The following ATP8B4 variants were observed in gnomAD, a reference collection of about 807,000 sequenced individuals.
The protein encoded by ATP8B4 is probable phospholipid-transporting ATPase IM.
In ATP8B4, 133 loss-of-function variants were observed where a neutral mutation model predicts 145.6. The ratio of observed to expected loss-of-function variants is 0.91; its 90% CI spans 0.79 to 1.05. The LOEUF (loss-of-function observed/expected upper bound fraction) is 1.05. Among genes scored for constraint, ATP8B4 ranks in the 50% least tolerant of loss-of-function variants. The pLI is 0.00. For synonymous variants in ATP8B4, 507 were observed against 492.9 expected (o/e 1.03, Z -0.38); for missense variants, 1,458 against 1,425.2 (o/e 1.02, Z -0.37).
intron 25 of ATP8B4, among the ~76,000 whole-genome samples, chr15:49,873,105 T>C (rs1269088507): frequency 1.3e-5 from 2 of 152,334 alleles, no homozygotes; most frequent in East Asian, 3.9e-4. Context: ...CAAAAGGTTA[T>C]CCATTTTTTA....
chr15:50,172,296 C>G (rs1017821695), intron 1 of ATP8B4, among the ~76,000 whole-genome samples: 1 of 152,262 alleles, frequency 6.6e-6, no homozygotes, highest in African/African-American at 2.4e-5. Flanking sequence ...GCGTGCGCCG[C>G]CACGCCTGAC....
At chr15:49,985,973 A>C (rs2046568594) in intron 10 of ATP8B4, among the ~76,000 whole-genome samples, 1 of 152,234 alleles carries the variant, frequency 6.6e-6, no homozygotes, top group South Asian at 2.1e-4. Flanking sequence ...AATAAAAAAT[A>C]ATAATAAATC....
rs145649509 is a variant in ATP8B4 at position 50,081,276 on chromosome 15, T to C, written c.29-7091A>G. Among the ~76,000 whole-genome samples the C allele has an allele frequency of 3.6e-3, 553 of 152,266 alleles. 3 individuals carry two copies. The highest frequency in any genetic ancestry group is 0.012 in the African/African-American group (516 of 41,548). On this transcript the variant is annotated intron_variant, in intron 2 of 27. Coordinates refer to ENST00000284509, the MANE Select transcript of ATP8B4 (RefSeq NM_024837.4). Reference sequence around the variant, plus strand: ...AAAATAATGCCACTGTGTGTTATAATCATTTAATGAGGAAATATATGGAAA... The same window carrying C: ...AAAATAATGCCACTGTGTGTTATAACCATTTAATGAGGAAATATATGGAAA...
intron 5 of ATP8B4, among the ~76,000 whole-genome samples, chr15:50,042,814 G>C (rs565013710): frequency 6.6e-6 from 1 of 152,228 alleles, no homozygotes; most frequent in Admixed American, 6.5e-5. Context: ...AAGTATGTCT[G>C]TTAAGCCAAT....
chr15:49,923,502 G>GAA lies in ATP8B4; in HGVS notation c.1643-10_1643-9dup, dbSNP rs756532311. 14 of 1,573,490 alleles carry GAA rather than the reference G, an allele frequency of 8.9e-6. No homozygotes were observed. The highest frequency in any genetic ancestry group is 1.2e-5 in the Non-Finnish European group (14 of 1,157,888). The stretch of plus-strand genomic sequence containing the variant: ...GTCCTTCTGGGTTTCGAACTGAAAA[G>GAA]AAAAAAGTTTGGAAAAGCAGAATAT... On this transcript the variant is annotated splice_polypyrimidine_tract_variant and intron_variant, in intron 16 of 27. Coordinates refer to ENST00000284509, the MANE Select transcript of ATP8B4 (RefSeq NM_024837.4).
chr15:49,952,067 T>C lies in ATP8B4; in HGVS notation c.1287+9910A>G, dbSNP rs192488951. The stretch of plus-strand genomic sequence containing the variant: ...GAGTTTCTGCTGAGAGATCTGCTGA[T>C]AGTCTGATGGGCTTCCCTCTGTGGG... On this transcript the variant is annotated intron_variant, in intron 14 of 27. Transcript: ENST00000284509. Among the ~76,000 whole-genome samples, 282 of 152,316 alleles carry C rather than the reference T, an allele frequency of 1.9e-3. 3 individuals carry two copies. The highest frequency in any genetic ancestry group is 0.013 in the South Asian group (65 of 4,832).
At chr15:50,025,566 T>G (rs1432814963) in intron 6 of ATP8B4, among the ~76,000 whole-genome samples, 1 of 152,220 alleles carries the variant, frequency 6.6e-6, no homozygotes, top group Non-Finnish European at 1.5e-5. Context: ...CATTATGTTT[T>G]CAGCTCAAAT....
intron 21 of ATP8B4, 73 bp downstream of exon 21, chr15:49,901,019 C>T (rs1055177550): frequency 9.1e-6 from 14 of 1,535,900 alleles, no homozygotes; most frequent in African/African-American, 1.4e-5. Context: ...AAGGAGGTCT[C>T]ATTATGATAG....
intron 20 of ATP8B4, among the ~76,000 whole-genome samples, chr15:49,908,555 C>A (rs950726128): frequency 5.9e-5 from 9 of 152,108 alleles, no homozygotes; most frequent in African/African-American, 2.2e-4. Context: ...CCCTTTCAGA[C>A]CCTGAAATTA....
intron 25 of ATP8B4, among the ~76,000 whole-genome samples, chr15:49,871,346 A>G (rs1423888929): frequency 6.6e-6 from 1 of 152,158 alleles, no homozygotes; most frequent in African/African-American, 2.4e-5. Context: ...GTCTCACTGT[A>G]GACTTTGTTC....
chr15:49,953,183 C>T (rs1039674432), intron 14 of ATP8B4, among the ~76,000 whole-genome samples: 3 of 152,146 alleles, frequency 2.0e-5, no homozygotes, highest in African/African-American at 7.2e-5. Context: ...GGGTCTCGCC[C>T]AGCTGGGTGG....
At chr15:49,970,300 G>C (rs969557498) in intron 13 of ATP8B4, among the ~76,000 whole-genome samples, 23 of 152,120 alleles carry the variant, frequency 1.5e-4, no homozygotes, top group African/African-American at 5.1e-4. Flanking sequence ...CGAAATAAAG[G>C]GTATTCAGAT....
In ATP8B4 at chr15:50,083,250, A is replaced by G. The variant is rs7173757; in HGVS notation, c.29-9065T>C. On this transcript the variant is annotated intron_variant, in intron 2 of 27. Coordinates refer to ENST00000284509, the MANE Select transcript of ATP8B4 (RefSeq NM_024837.4). ...AGACTTTGGGCAGTTCACTAAGAAT[A>G]CTCCTGTTCAAAACTGACTGTTTTC... Among the ~76,000 whole-genome samples the G allele has an allele frequency of 7.7e-3, 1,164 of 151,678 alleles. 14 individuals carry two copies. The highest frequency in any genetic ancestry group is 0.027 in the African/African-American group (1,099 of 41,314).
chr15:49,972,313 A>T (rs1157585582), intron 13 of ATP8B4, among the ~76,000 whole-genome samples: 1 of 152,146 alleles, frequency 6.6e-6, no homozygotes, highest in Non-Finnish European at 1.5e-5. Context: ...AACGAACTTC[A>T]GAGAGTATCA....
chr15:50,073,019 T>TATACAC lies in ATP8B4; in HGVS notation c.87+1107_87+1108insGTGTAT, dbSNP rs1455088682. On this transcript the variant is annotated intron_variant, in intron 3 of 27. Transcript: ENST00000284509. ...ATATATATATATATATATATATATA[T>TATACAC]ACACACACACACACACACACACACA... Among the ~76,000 whole-genome samples, 23 of 32,414 alleles carry TATACAC rather than the reference T, an allele frequency of 7.1e-4. 1 individual carries two copies. Among genetic ancestry groups the TATACAC allele is most frequent in the South Asian group, 5.5e-3 (4 of 722 alleles). 21.3% of individuals were successfully genotyped at this position (32,414 alleles called of 152,430 possible).
intron 6 of ATP8B4, among the ~76,000 whole-genome samples, chr15:50,022,008 G>T (rs184437818): frequency 6.6e-6 from 1 of 152,256 alleles, no homozygotes; most frequent in East Asian, 1.9e-4. Flanking sequence ...TCTGGAAAGA[G>T]GGTAAGGACA....
intron 23 of ATP8B4, among the ~76,000 whole-genome samples, chr15:49,882,355 T>C (rs1162691279): frequency 6.6e-6 from 1 of 152,222 alleles, no homozygotes; most frequent in Non-Finnish European, 1.5e-5. Flanking sequence ...ATCTTCCTTC[T>C]GATGAGTGAA....
chr15:50,140,513 T>C (rs1255231696), intron 1 of ATP8B4, among the ~76,000 whole-genome samples: 2 of 152,322 alleles, frequency 1.3e-5, no homozygotes, highest in East Asian at 3.9e-4. Context: ...TATGAAAACT[T>C]AGATAACAAA....
chr15:49,997,632 AG>A (rs1017815003), intron 8 of ATP8B4, among the ~76,000 whole-genome samples: 1 of 152,138 alleles, frequency 6.6e-6, no homozygotes, highest in African/African-American at 2.4e-5. Flanking sequence ...TAGGTAAAAA[AG>A]CAAACATCAC....
Sources: gnomAD v4.1 joint callset for allele counts (sites outside exome capture counted in the v4.1 genomes callset) on GRCh38, gnomAD v4.1.1 for gene constraint, MANE v1.5 for transcripts, NCBI Gene and HGNC (gene_info 2026-07-23, HGNC 2026-07-21) for gene names.